Variants in MAGI2 observed in about 807,000 individuals in gnomAD.
MAGI2 encodes the protein membrane associated guanylate kinase, WW and PDZ domain containing 2, also known as membrane-associated guanylate kinase, WW and PDZ domain-containing protein 2.
Under a neutral mutation model 133.3 loss-of-function variants are expected in MAGI2, and 35 were observed. The ratio of observed to expected loss-of-function variants is 0.26; its 90% CI spans 0.20 to 0.35. MAGI2 has a LOEUF of 0.35. Ranked by LOEUF, MAGI2 falls within the 10% of genes least tolerant of loss-of-function variation. The pLI, the probability that MAGI2 is intolerant of heterozygous loss-of-function variation, is 1.00. For synonymous variants in MAGI2, 729 were observed against 710.6 expected, an observed-to-expected ratio of 1.03 and a Z score of -0.41; for missense variants, 1,636 against 1,863.4, an observed-to-expected ratio of 0.88 and a Z score of 2.25.
chr7:78,777,690 A>C (rs1014946480), intron 2 of MAGI2, among the ~76,000 whole-genome samples: 1 of 152,244 alleles, frequency 6.6e-6, no homozygotes, highest in Non-Finnish European at 1.5e-5. Context: ...TCAAGTTATG[A>C]AATTGCATAT....
chr7:79,096,269 C>G (rs1014938384), intron 1 of MAGI2, among the ~76,000 whole-genome samples: 7 of 152,152 alleles, frequency 4.6e-5, no homozygotes, highest in African/African-American at 1.4e-4. Context: ...CCAGTGCCCT[C>G]CCAGTAAGAA....
intron 20 of MAGI2, among the ~76,000 whole-genome samples, chr7:78,104,970 G>A (rs563440694): frequency 2.2e-5 from 2 of 91,866 alleles, no homozygotes; most frequent in East Asian, 3.2e-4. Context: ...ATAGAACAAT[G>A]TGTCTCCTCC....
intron 2 of MAGI2, among the ~76,000 whole-genome samples, chr7:78,835,474 G>T (rs1483640150): frequency 3.9e-5 from 6 of 152,152 alleles, no homozygotes; most frequent in African/African-American, 1.4e-4. Flanking sequence ...TGAATCAAAA[G>T]GAAAATATTA....
At chr7:79,356,577 T>C (rs1842033857) in intron 1 of MAGI2, among the ~76,000 whole-genome samples, 2 of 152,192 alleles carry the variant, frequency 1.3e-5, no homozygotes, top group African/African-American at 4.8e-5. Flanking sequence ...GCCTTGATAT[T>C]TTATTGACCT....
At chr7:78,060,672 C>T (rs772904023) in intron 21 of MAGI2, among the ~76,000 whole-genome samples, 2 of 152,172 alleles carry the variant, frequency 1.3e-5, no homozygotes, top group African/African-American at 4.8e-5. Flanking sequence ...GGACCTGGAT[C>T]TTGAAGGAGG....
intron 1 of MAGI2, among the ~76,000 whole-genome samples, chr7:79,215,521 A>G (rs1829950755): frequency 1.3e-5 from 2 of 151,974 alleles, no homozygotes; most frequent in Admixed American, 6.5e-5. Flanking sequence ...ACAACCCCTT[A>G]TCTTAACCCA....
chr7:78,782,602 G>A (rs1037317836), intron 2 of MAGI2, among the ~76,000 whole-genome samples: 2 of 152,026 alleles, frequency 1.3e-5, no homozygotes, highest in African/African-American at 2.4e-5. Flanking sequence ...AGAAAGAAGA[G>A]AGGGAACATC....
chr7:78,293,786 G>A (rs1357373017), intron 9 of MAGI2, among the ~76,000 whole-genome samples: 1 of 152,156 alleles, frequency 6.6e-6, no homozygotes, highest in Non-Finnish European at 1.5e-5. Flanking sequence ...TCCTTTGTAG[G>A]GACATGGATG....
chr7:79,152,934 T>G (rs936623318), intron 1 of MAGI2, among the ~76,000 whole-genome samples: 7 of 152,208 alleles, frequency 4.6e-5, no homozygotes, highest in Non-Finnish European at 1.0e-4. Context: ...ATTTGTAATT[T>G]TTAAAATCTC....
intron 8 of MAGI2, among the ~76,000 whole-genome samples, chr7:78,344,480 T>G (rs547709979): frequency 6.6e-6 from 1 of 152,276 alleles, no homozygotes; most frequent in South Asian, 2.1e-4. Context: ...TATTTCAGCA[T>G]GTGCAATATC....
At position 79,369,016 on chromosome 7, in the gene MAGI2, G is replaced by T. The variant is rs528794402; in HGVS notation, c.301+84004C>A. On this transcript the variant is annotated intron_variant, in intron 1 of 21. Coordinates refer to ENST00000354212, the MANE Select transcript of MAGI2 (RefSeq NM_012301.4). ...ATCATTTTTAATAAAAATATAAGACGAAAGCATTCATGTGTGAACTGAAAC... is the reference window on the plus strand; with the variant it reads ...ATCATTTTTAATAAAAATATAAGACTAAAGCATTCATGTGTGAACTGAAAC... Among the ~76,000 whole-genome samples the T allele has an allele frequency of 3.3e-5, 5 of 152,018 alleles. 1 individual carries two copies. The highest frequency in any genetic ancestry group is 2.0e-4 in the Admixed American group (3 of 15,258).
At chr7:78,041,731 C>G (rs1810870024) in intron 21 of MAGI2, among the ~76,000 whole-genome samples, 1 of 152,164 alleles carries the variant, frequency 6.6e-6, no homozygotes, top group African/African-American at 2.4e-5. Flanking sequence ...AGTCAGCTTC[C>G]TGAATGCCAG....
intron 9 of MAGI2, among the ~76,000 whole-genome samples, chr7:78,322,743 G>A (rs559659383): frequency 1.3e-5 from 2 of 151,706 alleles, no homozygotes; most frequent in South Asian, 4.2e-4. Context: ...CATGTACCCC[G>A]GAATTTAATG....
intron 2 of MAGI2, among the ~76,000 whole-genome samples, chr7:78,715,295 G>C (rs1819594604): frequency 6.6e-6 from 1 of 152,134 alleles, no homozygotes; most frequent in Non-Finnish European, 1.5e-5. Flanking sequence ...TCCTGAACCG[G>C]TTTCAGAATC....
At chr7:78,119,942 GTA>G (rs1205899498) in intron 20 of MAGI2, among the ~76,000 whole-genome samples, 3 of 152,168 alleles carry the variant, frequency 2.0e-5, no homozygotes, top group Non-Finnish European at 4.4e-5. Context: ...ATATTTGCAG[GTA>G]TGTTATGGAA....
Position 79,176,608 on chromosome 7 carries a change from T to C in MAGI2, c.302-169402A>G, listed in dbSNP as rs540911319. Among the ~76,000 whole-genome samples the C allele has an allele frequency of 3.3e-5, 5 of 152,090 alleles. No individual in the cohort carries two copies. The South Asian group carries it at 6.2e-4, about 19-fold the overall frequency. Reference sequence around the variant, plus strand: ...GAATGAAATTGTAGAATCAGAGATATATAGATACATTAATAAGAAAACACC... The same window carrying C: ...GAATGAAATTGTAGAATCAGAGATACATAGATACATTAATAAGAAAACACC... On this transcript the variant is annotated intron_variant, in intron 1 of 21. Transcript: ENST00000354212.
chr7:78,750,886 G>A (rs1264083947), intron 2 of MAGI2, among the ~76,000 whole-genome samples: 2 of 152,080 alleles, frequency 1.3e-5, no homozygotes, highest in East Asian at 3.9e-4. Context: ...ATAATCCAAT[G>A]GCTAAAGAAA....
intron 2 of MAGI2, among the ~76,000 whole-genome samples, chr7:78,641,019 T>C (rs1810242472): frequency 6.6e-6 from 1 of 152,106 alleles, no homozygotes; most frequent in Non-Finnish European, 1.5e-5. Flanking sequence ...TCTCATGAGA[T>C]CTGATGGTTT....
chr7:79,060,224 T>G (rs1813597790), intron 1 of MAGI2, among the ~76,000 whole-genome samples: 1 of 152,088 alleles, frequency 6.6e-6, no homozygotes, highest in East Asian at 1.9e-4. Context: ...CCATTAAAAG[T>G]CATAATTTTA....
Sources: allele counts gnomAD v4.1 joint callset (sites outside exome capture counted in the v4.1 genomes callset), GRCh38; gene constraint gnomAD v4.1.1; transcripts MANE v1.5; gene names NCBI Gene and HGNC (gene_info 2026-07-23, HGNC 2026-07-21).